The following CRACDL variants were observed in gnomAD, a reference collection of about 807,000 sequenced individuals.
CRACDL encodes CRACD like, also known as CRACD-like protein.
CRACDL carries 26 observed loss-of-function variants against 70.6 expected under a neutral mutation model. The ratio of observed to expected loss-of-function variants is 0.37; its 90% confidence interval spans 0.27 to 0.51. The LOEUF (loss-of-function observed/expected upper bound fraction) is 0.51, where lower values mean the gene tolerates loss of function less well. Among genes scored for constraint, CRACDL ranks in the 20% least tolerant of loss-of-function variants. CRACDL has a pLI of 0.94. For missense variants in CRACDL, 1,283 were observed against 1,376.9 expected (o/e 0.93, Z 1.08); for synonymous variants, 618 against 615.2 (o/e 1.00, Z -0.07).
intron 1 of CRACDL, among the ~76,000 whole-genome samples, chr2:98,891,322 A>T (rs1336742650): frequency 7.0e-6 from 1 of 142,346 alleles, no homozygotes; most frequent in Non-Finnish European, 1.5e-5. Context: ...GGCTGCAGTG[A>T]GCCAAGATCA....
At position 98,889,042 on chromosome 2, in the gene CRACDL, C is replaced by T. The variant is rs188251464; in HGVS notation, c.-10-42232G>A. Among the ~76,000 whole-genome samples, 731 of 150,364 alleles carry T rather than the reference C, an allele frequency of 4.9e-3. 1 individual carries two copies. The highest frequency in any genetic ancestry group is 0.016 in the African/African-American group (645 of 40,930). On this transcript the variant is annotated intron_variant, in intron 1 of 9. Transcript: ENST00000397899. ...ACTCGGGAGGCTGAGGCAAGGGAATCGCTTGAATCTGGGAGACAGAGGTTG... is the reference window on the plus strand; with the variant it reads ...ACTCGGGAGGCTGAGGCAAGGGAATTGCTTGAATCTGGGAGACAGAGGTTG...
intron 1 of CRACDL, among the ~76,000 whole-genome samples, chr2:98,889,951 T>C (rs1439679615): frequency 6.6e-6 from 1 of 152,130 alleles, no homozygotes; most frequent in Non-Finnish European, 1.5e-5. Context: ...AGAAAATACT[T>C]TGATATTAAT....
At chr2:98,912,513 C>T (rs1449035292) in intron 1 of CRACDL, among the ~76,000 whole-genome samples, 1 of 152,208 alleles carries the variant, frequency 6.6e-6, no homozygotes, top group African/African-American at 2.4e-5. Context: ...GTCCTTTGAC[C>T]CTCTGCTCAT....
chr2:98,902,350 A>G (rs985456467), intron 1 of CRACDL, among the ~76,000 whole-genome samples: 1 of 152,116 alleles, frequency 6.6e-6, no homozygotes, highest in African/African-American at 2.4e-5. Flanking sequence ...AAGGCCCGTG[A>G]TGACCCTGCC....
chr2:98,914,993 G>A (rs1313497862), intron 1 of CRACDL, among the ~76,000 whole-genome samples: 4 of 152,196 alleles, frequency 2.6e-5, no homozygotes, highest in Non-Finnish European at 5.9e-5. Context: ...CAGAGTCCCC[G>A]GGTCTAGAAG....
rs142873678 is a variant in CRACDL at position 98,932,676 on chromosome 2, C to T, written c.-11+3262G>A. 4.2e-3 allele frequency among the ~76,000 whole-genome samples: 638 copies of T among 152,288 alleles called. 5 individuals are homozygous for T. The highest frequency in any genetic ancestry group is 0.015 in the African/African-American group (608 of 41,552). On this transcript the variant is annotated intron_variant, in intron 1 of 9. Transcript: ENST00000397899. ...CTTCTCCCAGCCCTGACTGAAGTCTCCAGCAGCCCCGACGGCTCTCCCAGT... is the reference window on the plus strand; with the variant it reads ...CTTCTCCCAGCCCTGACTGAAGTCTTCAGCAGCCCCGACGGCTCTCCCAGT...
chr2:98,818,846 AG>A (rs1454439597), intron 7 of CRACDL, among the ~76,000 whole-genome samples: 1 of 152,214 alleles, frequency 6.6e-6, no homozygotes. Context: ...AGGTAGGATC[AG>A]GCAGCAGGCC....
chr2:98,901,334 A>G (rs1453229354), intron 1 of CRACDL, among the ~76,000 whole-genome samples: 3 of 152,226 alleles, frequency 2.0e-5, no homozygotes, highest in African/African-American at 7.2e-5. Context: ...CTCTGGTTTT[A>G]GTTCCCACCA....
intron 7 of CRACDL, among the ~76,000 whole-genome samples, chr2:98,813,208 A>C (rs539443459): frequency 3.0e-4 from 46 of 152,304 alleles, no homozygotes; most frequent in African/African-American, 1.1e-3. Context: ...AGGCAGGTGG[A>C]TCACCTGAGG....
rs997638071 is a variant in CRACDL at position 98,826,913 on chromosome 2, G to GC, written c.735+61_735+62insG. On this transcript the variant is annotated intron_variant, in intron 6 of 9. Coordinates refer to ENST00000397899, the MANE Select transcript of CRACDL (RefSeq NM_207362.3). The stretch of plus-strand genomic sequence containing the variant: ...TGGGGGAGTGAGGCAGGTTGGGGGG[G>GC]GGCATAGGGGGGTGCCAAGCCTGCC... The GC allele has an allele frequency of 7.8e-6, 10 of 1,282,194 alleles. No individual in the cohort carries two copies. The African/African-American group carries it at 1.6e-4, about 20-fold the overall frequency. The allele number at this position is 1,282,194 out of a possible 1,614,324, so 79.4% of individuals were successfully genotyped here. A position where few individuals can be genotyped will look rare whatever the true frequency, so the allele number is the denominator to read the frequency against.
intron 2 of CRACDL, among the ~76,000 whole-genome samples, chr2:98,839,713 G>A (rs1559227203): frequency 1.3e-5 from 2 of 152,164 alleles, no homozygotes; most frequent in Non-Finnish European, 2.9e-5. Flanking sequence ...GACAGGACTA[G>A]TCCATTTTTC....
intron 2 of CRACDL, among the ~76,000 whole-genome samples, chr2:98,845,377 T>C (rs967494521): frequency 4.6e-5 from 7 of 152,058 alleles, no homozygotes; most frequent in Admixed American, 6.5e-5. Flanking sequence ...TTAAATTTTT[T>C]TGTAGAGACA....
chr2:98,928,365 G>A (rs183169803), intron 1 of CRACDL, among the ~76,000 whole-genome samples: 14 of 152,190 alleles, frequency 9.2e-5, no homozygotes, highest in African/African-American at 2.7e-4. Context: ...CTCCTGTTCC[G>A]CCCCCAGGCT....
intron 1 of CRACDL, among the ~76,000 whole-genome samples, chr2:98,909,036 T>A (rs1708482695): frequency 6.6e-6 from 1 of 152,166 alleles, no homozygotes; most frequent in African/African-American, 2.4e-5. Context: ...ACACTGAGAG[T>A]ACAGGATGTA....
intron 1 of CRACDL, among the ~76,000 whole-genome samples, chr2:98,894,209 T>A (rs1244024191): frequency 6.6e-6 from 1 of 152,136 alleles, no homozygotes; most frequent in Non-Finnish European, 1.5e-5. Context: ...ATTTTAGGTA[T>A]AGGGGGAGGG....
chr2:98,913,971 G>C (rs1361952852), intron 1 of CRACDL, among the ~76,000 whole-genome samples: 1 of 152,234 alleles, frequency 6.6e-6, no homozygotes, highest in East Asian at 1.9e-4. Context: ...ACCTGGGGAG[G>C]TCCTGAATGC....
chr2:98,810,438 G>A (rs1407210555), intron 7 of CRACDL, among the ~76,000 whole-genome samples: 2 of 152,166 alleles, frequency 1.3e-5, no homozygotes, highest in African/African-American at 2.4e-5. Flanking sequence ...TTCCACCCAC[G>A]ACCTGGGAAG....
intron 1 of CRACDL, among the ~76,000 whole-genome samples, chr2:98,857,641 A>G (rs566673614): frequency 1.3e-5 from 2 of 152,338 alleles, no homozygotes; most frequent in East Asian, 3.9e-4. Context: ...AAGTCACAGA[A>G]GAACAAAGTA....
intron 4 of CRACDL, 21 bp from the exon 5 acceptor site, chr2:98,832,533 T>C: frequency 6.5e-7 from 1 of 1,548,444 alleles, no homozygotes; most frequent in Non-Finnish European, 8.7e-7. Flanking sequence ...ATAAAGAACA[T>C]GTGCTCTTAT....
Sources: allele counts gnomAD v4.1 joint callset (sites outside exome capture counted in the v4.1 genomes callset), GRCh38; gene constraint gnomAD v4.1.1; transcripts MANE v1.5; gene names NCBI Gene and HGNC (gene_info 2026-07-23, HGNC 2026-07-21).